The following MLLT3 variants were observed in gnomAD, a reference collection of about 807,000 sequenced individuals.
MLLT3 encodes protein AF-9.
Under a neutral mutation model 53.2 loss-of-function variants are expected in MLLT3, and 4 were observed. That is an observed-to-expected ratio of 0.08 (90% CI 0.04 to 0.17). MLLT3 has a LOEUF of 0.17. Among genes scored for constraint, MLLT3 ranks in the 10% least tolerant of loss-of-function variants. The pLI is 1.00. For synonymous variants in MLLT3, 283 were observed against 230.6 expected (o/e 1.23, Z -2.06); for missense variants, 569 against 684.0 (o/e 0.83, Z 1.87).
intron 2 of MLLT3, among the ~76,000 whole-genome samples, chr9:20,495,266 C>T (rs1269324469): frequency 6.6e-6 from 1 of 152,176 alleles, no homozygotes; most frequent in East Asian, 1.9e-4. Context: ...AAATCAGTGA[C>T]ATCAGTATCC....
At chr9:20,590,068 C>G (rs1820088869) in intron 2 of MLLT3, among the ~76,000 whole-genome samples, 1 of 152,148 alleles carries the variant, frequency 6.6e-6, no homozygotes, top group African/African-American at 2.4e-5. Flanking sequence ...GGATAATGAA[C>G]AGCCCATTTA....
At chr9:20,490,714 A>T (rs1282724686) in intron 2 of MLLT3, among the ~76,000 whole-genome samples, 2 of 152,246 alleles carry the variant, frequency 1.3e-5, no homozygotes, top group East Asian at 3.9e-4. Flanking sequence ...AATTTGCTAT[A>T]GCAGCAACAG....
rs114052969 is a variant in MLLT3 at position 20,511,307 on chromosome 9, G to C, written c.194-54521C>G. ...TAAATAATTAAGAACAAATGAAACT[G>C]ATCAGACCCAGTATTGGAAAGAATA... On this transcript the variant is annotated intron_variant, in intron 2 of 10. Transcript: ENST00000380338. Among the ~76,000 whole-genome samples the C allele has an allele frequency of 5.0e-3, 761 of 152,092 alleles. 4 individuals carry two copies. Among genetic ancestry groups the C allele is most frequent in the African/African-American group, 0.016 (672 of 41,486 alleles).
At chr9:20,588,456 G>A (rs1165638446) in intron 2 of MLLT3, among the ~76,000 whole-genome samples, 1 of 152,106 alleles carries the variant, frequency 6.6e-6, no homozygotes, top group African/African-American at 2.4e-5. Flanking sequence ...TCACGATATT[G>A]ATTCTTCCTA....
chr9:20,476,132 A>G (rs12337265), intron 2 of MLLT3, among the ~76,000 whole-genome samples: 15,914 of 151,968 alleles, frequency 0.1, 1,064 homozygotes, highest in South Asian at 0.16. Flanking sequence ...ACGCAATCAT[A>G]GTTCACAGTA....
chr9:20,354,892 G>A lies in MLLT3; in HGVS notation c.1432-13C>T. The A allele has an allele frequency of 6.2e-7, 1 of 1,600,596 alleles. No homozygotes were observed. Among genetic ancestry groups the A allele is most frequent in the Non-Finnish European group, 8.6e-7 (1 of 1,168,234 alleles). On this transcript the variant is annotated splice_polypyrimidine_tract_variant and intron_variant, in intron 8 of 10. Coordinates refer to ENST00000380338, the MANE Select transcript of MLLT3 (RefSeq NM_004529.4). Reference sequence around the variant, plus strand: ...TCACTTCAAGAATCTAGGGATCAAAGAGAACGCTGTGTTAAATTTTATTTC... The same window carrying A: ...TCACTTCAAGAATCTAGGGATCAAAAAGAACGCTGTGTTAAATTTTATTTC...
intron 6 of MLLT3, among the ~76,000 whole-genome samples, chr9:20,363,959 TTAA>T (rs1418056610): frequency 2.6e-5 from 4 of 152,254 alleles, no homozygotes; most frequent in African/African-American, 9.6e-5. Flanking sequence ...GAAGTTGAGA[TTAA>T]TAAATCACTG....
At chr9:20,422,054 A>G (rs1823022280) in intron 4 of MLLT3, among the ~76,000 whole-genome samples, 1 of 152,212 alleles carries the variant, frequency 6.6e-6, no homozygotes, top group African/African-American at 2.4e-5. Context: ...GTCTAAACAG[A>G]GCCACTGAGA....
At chr9:20,429,256 T>C (rs1823208485) in intron 4 of MLLT3, among the ~76,000 whole-genome samples, 1 of 152,092 alleles carries the variant, frequency 6.6e-6, no homozygotes, top group African/African-American at 2.4e-5. Context: ...TAGTCCTAGC[T>C]AATCAGCAGG....
chr9:20,384,030 T>C (rs1821969888), intron 5 of MLLT3, among the ~76,000 whole-genome samples: 2 of 152,028 alleles, frequency 1.3e-5, no homozygotes, highest in South Asian at 4.1e-4. Flanking sequence ...TGAGAAGTTT[T>C]TCCTTTTGCA....
intron 2 of MLLT3, among the ~76,000 whole-genome samples, chr9:20,522,681 T>C (rs1184979228): frequency 6.6e-6 from 1 of 152,096 alleles, no homozygotes; most frequent in African/African-American, 2.4e-5. Context: ...AACAGTTGTT[T>C]TTTTTCTAAA....
intron 2 of MLLT3, among the ~76,000 whole-genome samples, chr9:20,492,181 T>C (rs1253101419): frequency 1.3e-5 from 2 of 152,096 alleles, no homozygotes; most frequent in Admixed American, 6.6e-5. Context: ...ATTATGCATA[T>C]GGATTGATAT....
At chr9:20,520,648 G>A (rs1053005098) in intron 2 of MLLT3, among the ~76,000 whole-genome samples, 9 of 152,170 alleles carry the variant, frequency 5.9e-5, no homozygotes, top group African/African-American at 2.2e-4. Context: ...CAACAAAAAT[G>A]GTTGACTGGG....
chr9:20,593,616 T>A (rs1449512461), intron 2 of MLLT3, among the ~76,000 whole-genome samples: 1 of 152,220 alleles, frequency 6.6e-6, no homozygotes, highest in Non-Finnish European at 1.5e-5. Flanking sequence ...TCTAGTCTCA[T>A]TCGTTGTTTC....
At chr9:20,412,488 TG>T (rs147599756) in intron 5 of MLLT3, among the ~76,000 whole-genome samples, 12,624 of 152,166 alleles carry the variant, frequency 0.083, 1,113 homozygotes, top group African/African-American at 0.21. Context: ...TGTGGACCAC[TG>T]GGGATCAGTG....
chr9:20,417,450 A>G (rs888800021), intron 4 of MLLT3, among the ~76,000 whole-genome samples: 1 of 150,486 alleles, frequency 6.6e-6, no homozygotes, highest in African/African-American at 2.4e-5. Flanking sequence ...AAATTTTTCA[A>G]TTAACCATTA....
intron 5 of MLLT3, among the ~76,000 whole-genome samples, chr9:20,383,013 G>A (rs961700601): frequency 1.3e-5 from 2 of 151,862 alleles, no homozygotes; most frequent in African/African-American, 4.8e-5. Flanking sequence ...AAAGGTGGTA[G>A]AGTTAAAAGG....
chr9:20,492,751 T>C (rs1048320330), intron 2 of MLLT3, among the ~76,000 whole-genome samples: 16 of 151,970 alleles, frequency 1.1e-4, no homozygotes, highest in Non-Finnish European at 1.5e-5. Context: ...AACTAAAATC[T>C]CTAACTTAAA....
At position 20,538,923 on chromosome 9, in the gene MLLT3, T is replaced by C. The variant is rs113058372; in HGVS notation, c.193+81731A>G. ...TATAATATAATATACACATGTGCGA[T>C]AGCATTATGTGTTTAAAAAATGTAC... On this transcript the variant is annotated intron_variant, in intron 2 of 10. Transcript: ENST00000380338. Among the ~76,000 whole-genome samples the C allele has an allele frequency of 3.9e-5, 6 of 152,392 alleles. 1 individual carries two copies. The highest frequency in any genetic ancestry group is 1.2e-4 in the African/African-American group (5 of 41,598).
Sources: allele counts gnomAD v4.1 joint callset (sites outside exome capture counted in the v4.1 genomes callset), GRCh38; gene constraint gnomAD v4.1.1; transcripts MANE v1.5; gene names NCBI Gene and HGNC (gene_info 2026-07-23, HGNC 2026-07-21).